BMPER: variants seen among roughly 807,000 people sequenced by gnomAD.
BMPER encodes the protein BMP binding endothelial regulator.
Under a neutral mutation model 87.3 loss-of-function variants are expected in BMPER, and 45 were observed. The ratio of observed to expected loss-of-function variants is 0.52; its 90% CI spans 0.41 to 0.66. BMPER has a LOEUF of 0.66. Ranked by LOEUF, BMPER falls within the 30% of genes least tolerant of loss-of-function variation. BMPER has a pLI of 0.00. For missense variants in BMPER, 784 were observed against 867.5 expected, an observed-to-expected ratio of 0.90 and a Z score of 1.21; for synonymous variants, 326 against 316.2, an observed-to-expected ratio of 1.03 and a Z score of -0.33.
intron 7 of BMPER, among the ~76,000 whole-genome samples, chr7:34,050,854 A>G (rs1390004028): frequency 1.3e-5 from 2 of 152,218 alleles, no homozygotes; most frequent in Non-Finnish European, 2.9e-5. Flanking sequence ...CCAGTTCTAC[A>G]GAGATACTAT....
At position 33,989,697 on chromosome 7, in the gene BMPER, G is replaced by A. The variant is rs62449720; in HGVS notation, c.576+14913G>A. Among the ~76,000 whole-genome samples the A allele has an allele frequency of 9.1e-4, 138 of 152,208 alleles. 1 individual carries two copies. Among genetic ancestry groups the A allele is most frequent in the Non-Finnish European group, 1.8e-3 (121 of 68,008 alleles). On this transcript the variant is annotated intron_variant, in intron 6 of 14. Transcript: ENST00000649409. The stretch of plus-strand genomic sequence containing the variant: ...GGACATGAAGTCCTTGCCCATGCCT[G>A]TGTCCTGAATGGTAATGCCTAGGTT...
rs183060756 is a variant in BMPER, at chr7:33,914,212, G to A, written c.219+7309G>A. Among the ~76,000 whole-genome samples, 1,479 of 152,002 alleles carry A rather than the reference G, an allele frequency of 9.7e-3. 10 individuals carry two copies. The highest frequency in any genetic ancestry group is 0.034 in the Middle Eastern group (10 of 294). ...GATCTCCTGACCTCGTGATCTGCCC[G>A]CCTCGGTCTCCCAAAGTGCTGGGAC... is the stretch of plus-strand genomic sequence containing the variant. On this transcript the variant is annotated intron_variant, in intron 2 of 14. Coordinates refer to ENST00000649409, the MANE Select transcript of BMPER (RefSeq NM_001365308.1).
At chr7:34,089,242 G>C (rs1789308049) in intron 13 of BMPER, among the ~76,000 whole-genome samples, 1 of 152,100 alleles carries the variant, frequency 6.6e-6, no homozygotes, top group African/African-American at 2.4e-5. Flanking sequence ...GAATGAAGTA[G>C]CATAACACAC....
At chr7:33,958,510 T>A (rs527603173) in intron 3 of BMPER, among the ~76,000 whole-genome samples, 18 of 152,282 alleles carry the variant, frequency 1.2e-4, no homozygotes, top group African/African-American at 4.3e-4. Flanking sequence ...AATACTGGCT[T>A]TGTACCACCG....
At chr7:33,946,593 TAAAC>T (rs1321399653) in intron 3 of BMPER, among the ~76,000 whole-genome samples, 2 of 152,232 alleles carry the variant, frequency 1.3e-5, no homozygotes, top group Non-Finnish European at 2.9e-5. Context: ...TTCCTTGAAT[TAAAC>T]AAATCTGATT....
chr7:34,131,819 G>C (rs1790598367), intron 13 of BMPER, among the ~76,000 whole-genome samples: 1 of 152,134 alleles, frequency 6.6e-6, no homozygotes, highest in Non-Finnish European at 1.5e-5. Flanking sequence ...TAGGGTGATA[G>C]GAAAGAAAGA....
chr7:33,921,781 G>C, intron 2 of BMPER: 1 of 471,000 alleles, frequency 2.1e-6, no homozygotes, highest in South Asian at 1.5e-5. Flanking sequence ...TCTTCAGCAT[G>C]AGCCAACTAG....
intron 12 of BMPER, among the ~76,000 whole-genome samples, chr7:34,083,782 C>CCT (rs138588578): frequency 8.0e-5 from 12 of 150,580 alleles, no homozygotes; most frequent in East Asian, 5.8e-4. Flanking sequence ...TAGACAAGAT[C>CCT]CTCTCTCTCT....
chr7:34,080,098 G>T (rs968813761), intron 12 of BMPER, among the ~76,000 whole-genome samples: 2 of 152,004 alleles, frequency 1.3e-5, no homozygotes, highest in African/African-American at 4.8e-5. Flanking sequence ...CTTTCCTTTG[G>T]CATACTCTAT....
chr7:34,031,170 T>A (rs1787507847), intron 6 of BMPER, among the ~76,000 whole-genome samples: 1 of 152,104 alleles, frequency 6.6e-6, no homozygotes, highest in Non-Finnish European at 1.5e-5. Flanking sequence ...GTGCTGTTTT[T>A]TTTCTTTCAG....
At chr7:33,995,967 C>T (rs147789650) in intron 6 of BMPER, among the ~76,000 whole-genome samples, 1 of 152,338 alleles carries the variant, frequency 6.6e-6, no homozygotes, top group Non-Finnish European at 1.5e-5. Flanking sequence ...AATAAGTGTA[C>T]AGCTCCAAGC....
intron 3 of BMPER, among the ~76,000 whole-genome samples, chr7:33,965,250 G>A (rs1785376954): frequency 6.6e-6 from 1 of 152,180 alleles, no homozygotes; most frequent in African/African-American, 2.4e-5. Flanking sequence ...TTGATTTGTA[G>A]GAACTAGAGA....
chr7:34,118,091 G>A lies in BMPER; in HGVS notation c.1746-25139G>A, dbSNP rs139408205. ...AGCACTCTGGGAGGCTGAGGCAGGC[G>A]GATTGCAAGGTCAGGAGTTCGAGAC... On this transcript the variant is annotated intron_variant, in intron 13 of 14. Transcript: ENST00000649409. Among the ~76,000 whole-genome samples the A allele has an allele frequency of 3.6e-3, 548 of 152,212 alleles. 10 individuals are homozygous for A. Among genetic ancestry groups the A allele is most frequent in the Admixed American group, 0.023 (354 of 15,292 alleles).
chr7:33,945,349 C>CAAGTGATT (rs939256243), intron 3 of BMPER, among the ~76,000 whole-genome samples: 1 of 145,594 alleles, frequency 6.9e-6, no homozygotes, highest in Non-Finnish European at 1.5e-5. Context: ...CTCCTGGATT[C>CAAGTGATT]AAGTGATTCT....
At position 34,153,600 on chromosome 7, in the gene BMPER, CAT is replaced by C. The variant is rs1791240706; in HGVS notation, c.*329_*330del. 4.6e-6 allele frequency: 1 copy of C among 219,146 alleles called. No individual in the cohort carries two copies. Among genetic ancestry groups the C allele is most frequent in the Non-Finnish European group, 9.3e-6 (1 of 107,980 alleles). The allele number at this position is 219,146 out of a possible 1,614,324, so 13.6% of individuals were successfully genotyped here. On this transcript the variant is annotated 3_prime_UTR_variant, in exon 15 of 15. Coordinates refer to ENST00000649409, the MANE Select transcript of BMPER (RefSeq NM_001365308.1). ...GATACATTGGATAGTGTTAACATCA[CAT>C]ACATTTGTCATTTTTAAGGAAGTTT...
chr7:34,006,148 T>A (rs986155384), intron 6 of BMPER, among the ~76,000 whole-genome samples: 1 of 152,010 alleles, frequency 6.6e-6, no homozygotes, highest in Non-Finnish European at 1.5e-5. Flanking sequence ...GTAAAAAAAA[T>A]TAAATAAACT....
chr7:34,115,294 C>G (rs1276444519), intron 13 of BMPER, among the ~76,000 whole-genome samples: 1 of 152,144 alleles, frequency 6.6e-6, no homozygotes, highest in Non-Finnish European at 1.5e-5. Flanking sequence ...AGACAATAAT[C>G]ATGGCATTGG....
intron 8 of BMPER, among the ~76,000 whole-genome samples, chr7:34,054,599 C>T (rs1394225623): frequency 6.6e-6 from 1 of 152,176 alleles, no homozygotes; most frequent in Non-Finnish European, 1.5e-5. Flanking sequence ...AAAGTCACTC[C>T]ACTACATTAG....
intron 13 of BMPER, among the ~76,000 whole-genome samples, chr7:34,109,369 T>G: frequency 6.6e-6 from 1 of 152,320 alleles, no homozygotes; most frequent in African/African-American, 2.4e-5. Flanking sequence ...CAACCTGCTT[T>G]ACTCAGTCTA....
Sources: gnomAD v4.1 joint callset for allele counts (sites outside exome capture counted in the v4.1 genomes callset) on GRCh38, gnomAD v4.1.1 for gene constraint, MANE v1.5 for transcripts, NCBI Gene and HGNC (gene_info 2026-07-23, HGNC 2026-07-21) for gene names.